Variants in MSRA observed in about 807,000 individuals in gnomAD.
MSRA encodes the protein methionine sulfoxide reductase A.
MSRA carries 54 observed loss-of-function variants against 31.3 expected under a neutral mutation model. The ratio of observed to expected loss-of-function variants is 1.73; its 90% CI spans 1.39 to 2.17. The LOEUF is 2.17. Among genes scored for constraint, MSRA ranks in the 30% most tolerant of loss-of-function variants. The pLI, the probability that MSRA is intolerant of heterozygous loss-of-function variation, is 0.00. For synonymous variants in MSRA, 169 were observed against 116.5 expected, an observed-to-expected ratio of 1.45 and a Z score of -2.90; for missense variants, 507 against 300.9, an observed-to-expected ratio of 1.69 and a Z score of -5.07.
In MSRA at chr8:10,233,665, T is replaced by C. The variant is rs542029412; in HGVS notation, c.212-11439T>C. Among the ~76,000 whole-genome samples, 7 of 152,340 alleles carry C rather than the reference T, an allele frequency of 4.6e-5. No homozygotes were observed. In the South Asian group the frequency reaches 1.5e-3, roughly 32 times the overall value. ...GAAAAAGAAGAATGTATCTATCAAT[T>C]AATCAGCAGTTAAATGACACAGAGG... On this transcript the variant is annotated intron_variant, in intron 2 of 5. Transcript: ENST00000317173.
intron 1 of MSRA, among the ~76,000 whole-genome samples, chr8:10,126,678 A>G (rs745809246): frequency 1.3e-5 from 2 of 152,050 alleles, no homozygotes; most frequent in Non-Finnish European, 2.9e-5. Flanking sequence ...ATGCCTGGCT[A>G]ATTTTTGTAT....
At chr8:10,092,682 T>A (rs1798917229) in intron 1 of MSRA, among the ~76,000 whole-genome samples, 1 of 152,102 alleles carries the variant, frequency 6.6e-6, no homozygotes, top group Admixed American at 6.5e-5. Flanking sequence ...GTAGATTGTT[T>A]GGTAGATGTC....
chr8:10,165,998 G>A lies in MSRA; in HGVS notation c.143-41835G>A, dbSNP rs62488741. Among the ~76,000 whole-genome samples the A allele has an allele frequency of 4.2e-3, 636 of 152,274 alleles. 2 individuals are homozygous for A. Among genetic ancestry groups the A allele is most frequent in the Non-Finnish European group, 6.2e-3 (423 of 68,012 alleles). ...TTGGCAGTGATTCCAGAGTCTGGGC[G>A]TAAAACATCTGTGTCCAGTGCACAA... On this transcript the variant is annotated intron_variant, in intron 1 of 5. Coordinates refer to ENST00000317173, the MANE Select transcript of MSRA (RefSeq NM_012331.5).
chr8:10,142,461 C>T (rs1434787817), intron 1 of MSRA, among the ~76,000 whole-genome samples: 2 of 152,218 alleles, frequency 1.3e-5, no homozygotes, highest in African/African-American at 4.8e-5. Flanking sequence ...CACTGCCCTT[C>T]AGTGGTTTAA....
intron 1 of MSRA, among the ~76,000 whole-genome samples, chr8:10,076,078 C>A (rs555325194): frequency 9.5e-6 from 1 of 104,784 alleles, no homozygotes. Flanking sequence ...CAGAGCTGTG[C>A]GTCATGTGCT....
At chr8:10,090,382 G>A (rs1798796187) in intron 1 of MSRA, among the ~76,000 whole-genome samples, 1 of 152,138 alleles carries the variant, frequency 6.6e-6, no homozygotes, top group Non-Finnish European at 1.5e-5. Context: ...GAATTAGCTG[G>A]GCAGATTCCT....
chr8:10,190,259 C>T (rs1435747611), intron 1 of MSRA, among the ~76,000 whole-genome samples: 1 of 152,138 alleles, frequency 6.6e-6, no homozygotes, highest in South Asian at 2.1e-4. Context: ...TCAGTCTCTG[C>T]GACCTCAAAC....
intron 1 of MSRA, among the ~76,000 whole-genome samples, chr8:10,089,517 G>A (rs944327925): frequency 6.6e-6 from 1 of 152,220 alleles, no homozygotes; most frequent in Admixed American, 6.5e-5. Context: ...GCAGCATCTT[G>A]TCCAAGGACA....
At chr8:10,093,633 ATTAAAC>A (rs958243559) in intron 1 of MSRA, among the ~76,000 whole-genome samples, 2 of 152,226 alleles carry the variant, frequency 1.3e-5, no homozygotes, top group African/African-American at 4.8e-5. Flanking sequence ...TATTTAAAAA[ATTAAAC>A]TATGTTACAT....
chr8:10,188,257 T>A (rs1159726801), intron 1 of MSRA, among the ~76,000 whole-genome samples: 2 of 152,220 alleles, frequency 1.3e-5, no homozygotes, highest in African/African-American at 4.8e-5. Context: ...TGTGTGCACT[T>A]TTTTTGGTGT....
intron 3 of MSRA, among the ~76,000 whole-genome samples, chr8:10,262,624 C>G (rs1275619547): frequency 6.6e-6 from 1 of 152,146 alleles, no homozygotes; most frequent in Admixed American, 6.5e-5. Context: ...AGATATGTGA[C>G]TTGAGAATGT....
chr8:10,137,447 C>T (rs1022313748), intron 1 of MSRA, among the ~76,000 whole-genome samples: 3 of 152,056 alleles, frequency 2.0e-5, no homozygotes, highest in African/African-American at 2.4e-5. Flanking sequence ...CACCTGGAAT[C>T]GGTATTTATT....
At chr8:10,330,037 TGTG>T (rs1163548717) in intron 5 of MSRA, among the ~76,000 whole-genome samples, 1 of 150,650 alleles carries the variant, frequency 6.6e-6, no homozygotes, top group Non-Finnish European at 1.5e-5. Context: ...TGTGTGTGTG[TGTG>T]TGTGATCAAA....
chr8:10,273,005 AT>A (rs1271926726), intron 3 of MSRA, among the ~76,000 whole-genome samples: 1 of 152,242 alleles, frequency 6.6e-6, no homozygotes, highest in Non-Finnish European at 1.5e-5. Flanking sequence ...GGTATAAGCA[AT>A]CATGAAGAGT....
intron 1 of MSRA, among the ~76,000 whole-genome samples, chr8:10,096,948 A>G (rs533707081): frequency 6.6e-6 from 1 of 152,204 alleles, no homozygotes; most frequent in Non-Finnish European, 1.5e-5. Flanking sequence ...GGAAAATTGT[A>G]TCTATTCACA....
At position 10,375,263 on chromosome 8, in the gene MSRA, G is replaced by A. The variant is rs79631649; in HGVS notation, c.544-52885G>A. ...ACATTTAGGGAGAAACAAGGCTGGC[G>A]TCTGCTGGGTAGCAGTCTGACTGAT... On this transcript the variant is annotated intron_variant, in intron 5 of 5. Transcript: ENST00000317173. 3.8e-4 allele frequency among the ~76,000 whole-genome samples: 58 copies of A among 152,240 alleles called. No individual in the cohort carries two copies. The East Asian group carries it at 4.6e-3, about 12-fold the overall frequency.
intron 2 of MSRA, among the ~76,000 whole-genome samples, chr8:10,208,196 T>C (rs1809167432): frequency 6.6e-6 from 1 of 151,902 alleles, no homozygotes; most frequent in South Asian, 2.1e-4. Context: ...TTTGAGTTTT[T>C]CTTTGCTAGC....
chr8:10,301,146 G>A (rs896396802), intron 3 of MSRA, among the ~76,000 whole-genome samples: 4 of 152,116 alleles, frequency 2.6e-5, no homozygotes, highest in African/African-American at 9.7e-5. Context: ...CATATAGCAT[G>A]GAGTGATGAT....
chr8:10,294,142 A>C (rs1225377753), intron 3 of MSRA, among the ~76,000 whole-genome samples: 2 of 152,196 alleles, frequency 1.3e-5, no homozygotes, highest in South Asian at 4.2e-4. Context: ...TGGAGGTTCC[A>C]GTGAACCGAG....
Sources: gnomAD v4.1 joint callset for allele counts (sites outside exome capture counted in the v4.1 genomes callset) on GRCh38, gnomAD v4.1.1 for gene constraint, MANE v1.5 for transcripts, NCBI Gene and HGNC (gene_info 2026-07-23, HGNC 2026-07-21) for gene names.